GDPD4: variants seen among roughly 807,000 people sequenced by gnomAD.
The protein encoded by GDPD4 is glycerophosphodiester phosphodiesterase domain containing 4.
A neutral mutation model predicts 67.8 loss-of-function variants in GDPD4; 60 were observed. The ratio of observed to expected loss-of-function variants is 0.88; its 90% CI spans 0.72 to 1.10. The LOEUF is 1.10. Among genes scored for constraint, GDPD4 ranks in the 50% least tolerant of loss-of-function variants. GDPD4 has a pLI of 0.00. For missense variants in GDPD4, 623 were observed against 613.9 expected, an observed-to-expected ratio of 1.01 and a Z score of -0.16; for synonymous variants, 212 against 210.9, an observed-to-expected ratio of 1.00 and a Z score of -0.04.
chr11:77,269,747 T>G (rs1171751011), intron 8 of GDPD4, 136 bp downstream of exon 8: 4 of 558,866 alleles, frequency 7.2e-6, no homozygotes, highest in African/African-American at 1.9e-5. Flanking sequence ...ATACAGAGCC[T>G]GTACACAATG....
chr11:77,281,633 C>G (rs1348758784), intron 3 of GDPD4, among the ~76,000 whole-genome samples: 2 of 152,172 alleles, frequency 1.3e-5, no homozygotes, highest in Admixed American at 6.5e-5. Flanking sequence ...GAAGGATTGG[C>G]TGAGGTACAG....
intron 10 of GDPD4, among the ~76,000 whole-genome samples, chr11:77,260,264 C>T (rs1481779989): frequency 6.7e-6 from 1 of 149,922 alleles, no homozygotes; most frequent in Non-Finnish European, 1.5e-5. Context: ...CAAAATCGCG[C>T]CATTGGACTC....
chr11:77,260,471 G>A (rs895367124), intron 10 of GDPD4, among the ~76,000 whole-genome samples: 2 of 151,978 alleles, frequency 1.3e-5, no homozygotes, highest in East Asian at 3.9e-4. Flanking sequence ...AACCTTAAAG[G>A]ATACAAGATA....
At chr11:77,255,017 C>T (rs1283873067) in intron 11 of GDPD4, among the ~76,000 whole-genome samples, 3 of 152,104 alleles carry the variant, frequency 2.0e-5, no homozygotes, top group Non-Finnish European at 2.9e-5. Context: ...AAGAAAGCTC[C>T]ACGATCAAAC....
chr11:77,300,991 CT>C (rs1938140161), intron 1 of GDPD4, among the ~76,000 whole-genome samples: 1 of 152,084 alleles, frequency 6.6e-6, no homozygotes, highest in Non-Finnish European at 1.5e-5. Context: ...TAAAAGGCAG[CT>C]TTTTAACCAG....
intron 11 of GDPD4, among the ~76,000 whole-genome samples, chr11:77,251,224 G>C (rs1230052887): frequency 6.6e-6 from 1 of 151,802 alleles, no homozygotes; most frequent in Non-Finnish European, 1.5e-5. Context: ...GTTTCTTCTT[G>C]TTTTTCATTT....
chr11:77,276,274 C>G, intron 4 of GDPD4, 54 bp from the exon 5 acceptor site: 1 of 1,374,322 alleles, frequency 7.3e-7, no homozygotes, highest in Non-Finnish European at 1.0e-6. Flanking sequence ...AAGTTGCCAC[C>G]CAAAGCACTG....
chr11:77,300,605 C>T (rs1938127694), intron 1 of GDPD4, among the ~76,000 whole-genome samples: 1 of 151,850 alleles, frequency 6.6e-6, no homozygotes, highest in African/African-American at 2.4e-5. Context: ...ATTAACTAGT[C>T]TTAACATTTA....
intron 3 of GDPD4, among the ~76,000 whole-genome samples, chr11:77,280,858 C>T (rs1351335259): frequency 2.6e-5 from 4 of 152,198 alleles, no homozygotes; most frequent in Non-Finnish European, 2.9e-5. Context: ...GTGAAAAGAG[C>T]GAGAAGGAGT....
chr11:77,260,090 C>T (rs1364845967), intron 10 of GDPD4, among the ~76,000 whole-genome samples: 1 of 152,058 alleles, frequency 6.6e-6, no homozygotes, highest in Non-Finnish European at 1.5e-5. Context: ...GTGGGCGGAT[C>T]ATGAGGTCGA....
intron 13 of GDPD4, among the ~76,000 whole-genome samples, chr11:77,239,185 G>A (rs1289603255): frequency 6.6e-6 from 1 of 152,072 alleles, no homozygotes; most frequent in Non-Finnish European, 1.5e-5. Context: ...TGTATAGAAG[G>A]AATATACCAA....
intron 5 of GDPD4, among the ~76,000 whole-genome samples, chr11:77,274,906 G>A (rs563838464): frequency 6.6e-6 from 1 of 152,306 alleles, no homozygotes; most frequent in Non-Finnish European, 1.5e-5. Flanking sequence ...GTCAGAGTGG[G>A]AGAAATGAAG....
chr11:77,271,035 G>A (rs866249511), intron 7 of GDPD4, 95 bp downstream of exon 7: 3 of 807,984 alleles, frequency 3.7e-6, no homozygotes, highest in Middle Eastern at 2.4e-4. Context: ...AGGCATAGGG[G>A]TGGCTAGTTC....
intron 11 of GDPD4, among the ~76,000 whole-genome samples, chr11:77,247,817 C>T (rs186451373): frequency 1.4e-4 from 21 of 152,034 alleles, no homozygotes; most frequent in Non-Finnish European, 5.9e-5. Flanking sequence ...TTTGGAAGGC[C>T]GAGACGGGCG....
rs1179543020 is a variant in GDPD4 at position 77,269,961 on chromosome 11, C to G, written c.401-1G>C. ...GTCATCCTGTATCTTCTCATTCTAA[C>G]TAAAATTTAGAAAGTGAAAAAGAAA... On this transcript the variant is annotated splice_acceptor_variant, in intron 7 of 16. Transcript: ENST00000315938. LOFTEE classifies it high-confidence loss of function. The G allele has an allele frequency of 6.7e-7, 1 of 1,485,764 alleles. No individual in the cohort carries two copies. Among genetic ancestry groups the G allele is most frequent in the Non-Finnish European group, 9.3e-7 (1 of 1,070,714 alleles). 92.0% of individuals were successfully genotyped at this position (1,485,764 alleles called of 1,614,324 possible).
intron 5 of GDPD4, among the ~76,000 whole-genome samples, chr11:77,272,339 T>C (rs1959254561): frequency 1.3e-5 from 2 of 152,220 alleles, no homozygotes; most frequent in African/African-American, 4.8e-5. Context: ...GAAAAAGTTT[T>C]AAACAACCTA....
intron 12 of GDPD4, among the ~76,000 whole-genome samples, chr11:77,244,503 A>C (rs1958741149): frequency 6.6e-6 from 1 of 152,192 alleles, no homozygotes; most frequent in African/African-American, 2.4e-5. Flanking sequence ...ATATGGGTGA[A>C]TAGTGAGAAT....
intron 1 of GDPD4, among the ~76,000 whole-genome samples, chr11:77,294,962 T>G (rs1937901227): frequency 2.0e-4 from 1 of 5,096 alleles, no homozygotes; most frequent in Non-Finnish European, 7.6e-4. Flanking sequence ...CAACTTTGCT[T>G]TTTTTTTTTT....
chr11:77,274,116 G>C (rs1793487), intron 5 of GDPD4, among the ~76,000 whole-genome samples: 29,389 of 152,168 alleles, frequency 0.19, 3,773 homozygotes, highest in Non-Finnish European at 0.28. Context: ...TCTTGGTATT[G>C]GTTAATTTAT....
Sources: gnomAD v4.1 joint callset for allele counts (sites outside exome capture counted in the v4.1 genomes callset) on GRCh38, gnomAD v4.1.1 for gene constraint, MANE v1.5 for transcripts, NCBI Gene and HGNC (gene_info 2026-07-23, HGNC 2026-07-21) for gene names.